DCDC1: variants seen among roughly 807,000 people sequenced by gnomAD.
The protein encoded by DCDC1 is doublecortin domain-containing protein 1.
A neutral mutation model predicts 178.3 loss-of-function variants in DCDC1; 200 were observed. The observed-to-expected ratio is 1.12, with a 90% confidence interval of 1.00 to 1.26. DCDC1 has a LOEUF of 1.26. Among genes scored for constraint, DCDC1 ranks in the 50% most tolerant of loss-of-function variants. The pLI is 0.00. For synonymous variants in DCDC1, 690 were observed against 604.8 expected (o/e 1.14, Z -2.07); for missense variants, 1,983 against 1,749.2 (o/e 1.13, Z -2.38).
At chr11:31,261,844 T>C (rs565966822) in intron 8 of DCDC1, among the ~76,000 whole-genome samples, 91 of 152,246 alleles carry the variant, frequency 6.0e-4, no homozygotes, top group Non-Finnish European at 1.1e-3. Context: ...ACAAGAACCA[T>C]AACAAAATAA....
At chr11:30,887,270 T>C (rs1943258491) in intron 36 of DCDC1, among the ~76,000 whole-genome samples, 1 of 152,118 alleles carries the variant, frequency 6.6e-6, no homozygotes, top group African/African-American at 2.4e-5. Flanking sequence ...ATGACTTTTT[T>C]CCTTTATTTT....
chr11:30,864,745 T>C lies in DCDC1; in HGVS notation c.*628A>G, dbSNP rs970390055. 9.8e-6 allele frequency: 1 copy of C among 101,526 alleles called. No individual in the cohort carries two copies. Among genetic ancestry groups the C allele is most frequent in the African/African-American group, 2.8e-5 (1 of 35,214 alleles). 6.3% of individuals were successfully genotyped at this position (101,526 alleles called of 1,614,324 possible). A position where few individuals can be genotyped will look rare whatever the true frequency, so the allele number is the denominator to read the frequency against. ...GGAGACAAAACATGCAGTCAGTGTA[T>C]ATGCTTTTTTTTTTCCAATAAGCCA... is the stretch of plus-strand genomic sequence containing the variant. On this transcript the variant is annotated 3_prime_UTR_variant, in exon 39 of 39. Coordinates refer to ENST00000684477, the MANE Select transcript of DCDC1 (RefSeq NM_001387274.1).
intron 9 of DCDC1, among the ~76,000 whole-genome samples, chr11:31,205,132 A>G (rs890765195): frequency 6.6e-6 from 1 of 152,204 alleles, no homozygotes; most frequent in African/African-American, 2.4e-5. Flanking sequence ...AATATATAAG[A>G]TAATCATATT....
At chr11:31,027,806 T>C (rs1263191673) in intron 20 of DCDC1, among the ~76,000 whole-genome samples, 1 of 151,906 alleles carries the variant, frequency 6.6e-6, no homozygotes, top group Non-Finnish European at 1.5e-5. Context: ...TGCTAAAGCA[T>C]GCTGGGTTGA....
At chr11:30,918,249 C>A (rs915558183) in intron 25 of DCDC1, among the ~76,000 whole-genome samples, 6 of 152,162 alleles carry the variant, frequency 3.9e-5, no homozygotes, top group Non-Finnish European at 7.4e-5. Flanking sequence ...AACTTCCTGG[C>A]AAATGAGGTA....
chr11:30,955,771 G>A (rs1460484267), intron 20 of DCDC1, among the ~76,000 whole-genome samples: 1 of 152,140 alleles, frequency 6.6e-6, no homozygotes, highest in Non-Finnish European at 1.5e-5. Flanking sequence ...TCATGGTCCA[G>A]CGTCATAGCC....
At chr11:31,276,384 T>C (rs1325722415) in intron 7 of DCDC1, among the ~76,000 whole-genome samples, 4 of 152,208 alleles carry the variant, frequency 2.6e-5, no homozygotes, top group Admixed American at 6.5e-5. Context: ...CTAAAAATAC[T>C]TCACCTTTGG....
chr11:31,177,548 G>A (rs1384898837), intron 9 of DCDC1, among the ~76,000 whole-genome samples: 1 of 152,044 alleles, frequency 6.6e-6, no homozygotes, highest in Non-Finnish European at 1.5e-5. Context: ...AATATAAATG[G>A]ATTAAATTCT....
intron 6 of DCDC1, among the ~76,000 whole-genome samples, chr11:31,302,149 C>A (rs1948157209): frequency 6.6e-6 from 1 of 152,146 alleles, no homozygotes; most frequent in East Asian, 1.9e-4. Context: ...GAACTTGGAC[C>A]TAACGAATTA....
At chr11:31,118,718 T>G (rs1340333969) in intron 11 of DCDC1, among the ~76,000 whole-genome samples, 2 of 152,206 alleles carry the variant, frequency 1.3e-5, no homozygotes, top group Non-Finnish European at 1.5e-5. Flanking sequence ...GAATAACTGC[T>G]GGGACAGTAA....
rs551186724 is a variant in DCDC1, at chr11:31,091,236, G to C, written c.2237+157C>G. On this transcript the variant is annotated intron_variant, in intron 17 of 38. Transcript: ENST00000684477. ...CAAACTAAGTGGCATACATTTTCAAGCTTACTTTGGATTCAGAAATTAATA... is the reference window on the plus strand; with the variant it reads ...CAAACTAAGTGGCATACATTTTCAACCTTACTTTGGATTCAGAAATTAATA... Among the ~76,000 whole-genome samples the C allele has an allele frequency of 7.9e-5, 12 of 152,166 alleles. 1 individual carries two copies. In the South Asian group the frequency reaches 2.5e-3, roughly 32 times the overall value.
At chr11:31,232,106 T>C (rs1197946304) in intron 9 of DCDC1, among the ~76,000 whole-genome samples, 6 of 152,156 alleles carry the variant, frequency 3.9e-5, no homozygotes, top group Non-Finnish European at 8.8e-5. Context: ...GCAAATAAAG[T>C]TACACATACA....
chr11:31,330,272 A>C lies in DCDC1; in HGVS notation c.-6-1986T>G, dbSNP rs999369613. 5.9e-5 allele frequency among the ~76,000 whole-genome samples: 9 copies of C among 152,092 alleles called. No individual in the cohort carries two copies. The East Asian group carries it at 1.2e-3, about 20-fold the overall frequency. On this transcript the variant is annotated intron_variant, in intron 2 of 38. Coordinates refer to ENST00000684477, the MANE Select transcript of DCDC1 (RefSeq NM_001387274.1). ...GGTTTTTTTCTTGTAAATTTGCTTA[A>C]GTTCTTTGTAGATTCTGGATATAAG... is the stretch of plus-strand genomic sequence containing the variant.
rs1555184035 is a variant in DCDC1 at position 31,341,426 on chromosome 11, G to GATAGATAGATAGATAC, written c.-124-5863_-124-5862insGTATCTATCTATCTAT. On this transcript the variant is annotated intron_variant, in intron 1 of 38. Coordinates refer to ENST00000684477, the MANE Select transcript of DCDC1 (RefSeq NM_001387274.1). ...AGATAGATAGATAGATAGATAGATA[G>GATAGATAGATAGATAC]ATAGATAGATAGACATGTGTTGCTT... 6.2e-3 allele frequency among the ~76,000 whole-genome samples: 945 copies of GATAGATAGATAGATAC among 151,342 alleles called. 3 individuals carry two copies. Among genetic ancestry groups the GATAGATAGATAGATAC allele is most frequent in the South Asian group, 8.8e-3 (42 of 4,748 alleles).
chr11:31,093,962 A>G (rs1344035171), intron 16 of DCDC1, 88 bp downstream of exon 16: 6 of 705,516 alleles, frequency 8.5e-6, no homozygotes, highest in South Asian at 1.6e-5. Context: ...TTGTATGCCC[A>G]TGTGCATGAG....
chr11:30,915,727 C>A lies in DCDC1; in HGVS notation c.3453-16G>T. ...TGGTGAACAGCTGAGATAAAGAAAT[C>A]TCTATTAGTGGCAGAAAAATGTCCC... is the stretch of plus-strand genomic sequence containing the variant. On this transcript the variant is annotated splice_polypyrimidine_tract_variant and intron_variant, in intron 26 of 38. Transcript: ENST00000684477. The A allele has an allele frequency of 6.2e-7, 1 of 1,602,628 alleles. No individual in the cohort carries two copies. The highest frequency in any genetic ancestry group is 8.5e-7 in the Non-Finnish European group (1 of 1,174,088).
chr11:30,951,194 A>G (rs1192743230), intron 21 of DCDC1, among the ~76,000 whole-genome samples: 4 of 152,074 alleles, frequency 2.6e-5, no homozygotes, highest in Non-Finnish European at 5.9e-5. Context: ...TCCCAGATAT[A>G]TTGTGCTGAA....
chr11:31,346,694 AC>A (rs1288075563), intron 1 of DCDC1, among the ~76,000 whole-genome samples: 3 of 152,130 alleles, frequency 2.0e-5, no homozygotes, highest in Non-Finnish European at 4.4e-5. Flanking sequence ...TTTTTGTTAG[AC>A]ATATAAACCG....
intron 15 of DCDC1, among the ~76,000 whole-genome samples, chr11:31,095,529 T>C (rs1958094929): frequency 6.6e-6 from 1 of 152,172 alleles, no homozygotes; most frequent in South Asian, 2.1e-4. Flanking sequence ...GGGTAGAGGA[T>C]AACAGATTGT....
Sources: allele counts gnomAD v4.1 joint callset (sites outside exome capture counted in the v4.1 genomes callset), GRCh38; gene constraint gnomAD v4.1.1; transcripts MANE v1.5; gene names NCBI Gene and HGNC (gene_info 2026-07-23, HGNC 2026-07-21).